Variants in UNG observed in about 807,000 individuals in gnomAD.
The protein encoded by UNG is uracil-DNA glycosylase.
In UNG, 34 loss-of-function variants were observed where a neutral mutation model predicts 36.5. The ratio of observed to expected loss-of-function variants is 0.93; its 90% CI spans 0.71 to 1.24. UNG has a LOEUF of 1.24. UNG is among the 50% of genes most tolerant of loss of function. The pLI is 0.00. For missense variants in UNG, 391 were observed against 397.6 expected (o/e 0.98, Z 0.14); for synonymous variants, 172 against 157.8 (o/e 1.09, Z -0.67).
rs767154683 is a variant in UNG, at chr12:109,097,749, C to T, written c.70C>T (p.Pro24Ser). ...CGCCAGGAAGCGACACGCCCCCAGCCCCGAGCCGGCCGTCCAGGGGACCGG... is the reference window on the plus strand; with the variant it reads ...CGCCAGGAAGCGACACGCCCCCAGCTCCGAGCCGGCCGTCCAGGGGACCGG... ...SPARKRHAPS[P>S]EPAVQGTGVA... Residue 24 changes from proline (P) to serine (S), a missense_variant, in exon 1 of 7, where the codon CCC (proline) becomes TCC (serine). By Grantham distance (74) the Pro-to-Ser change is moderately conservative. Transcript: ENST00000242576. 3.2e-6 allele frequency: 5 copies of T among 1,574,336 alleles called. No homozygotes were observed. The Admixed American group carries it at 7.3e-5, about 23-fold the overall frequency.
chr12:109,107,204 T>C (rs1185304072), intron 6 of UNG, among the ~76,000 whole-genome samples: 1 of 151,840 alleles, frequency 6.6e-6, no homozygotes, highest in Non-Finnish European at 1.5e-5. Flanking sequence ...GTATGACTAT[T>C]GCTTTTTTTC....
intron 6 of UNG, among the ~76,000 whole-genome samples, chr12:109,104,623 A>G (rs938364896): frequency 6.6e-6 from 1 of 152,046 alleles, no homozygotes; most frequent in African/African-American, 2.4e-5. Context: ...AGTCACCATC[A>G]TCTTTCTCCA....
At chr12:109,103,384 G>C (rs1001997549) in intron 5 of UNG, 49 bp from the exon 6 acceptor site, 1 of 1,570,164 alleles carries the variant, frequency 6.4e-7, no homozygotes, top group Non-Finnish European at 8.8e-7. Context: ...CTGGGTATTG[G>C]GCTGATTTGC....
intron 3 of UNG, among the ~76,000 whole-genome samples, chr12:109,099,542 C>T (rs899080530): frequency 3.3e-5 from 5 of 152,128 alleles, no homozygotes; most frequent in African/African-American, 1.2e-4. Context: ...TGAAACTAAC[C>T]TCCCGCGGTG....
At chr12:109,100,964 A>G (rs1482305527) in intron 3 of UNG, among the ~76,000 whole-genome samples, 3 of 151,942 alleles carry the variant, frequency 2.0e-5, no homozygotes, top group Non-Finnish European at 4.4e-5. Context: ...CTCCCGTGAC[A>G]GGAACTTCAT....
In UNG at chr12:109,110,678, G is replaced by A. The variant is rs1264220860; in HGVS notation, c.*709G>A. 6.6e-6 allele frequency: 1 copy of A among 152,442 alleles called. No homozygotes were observed. The highest frequency in any genetic ancestry group is 1.5e-5 in the Non-Finnish European group (1 of 68,300). 9.4% of individuals were successfully genotyped at this position (152,442 alleles called of 1,614,324 possible). A position where few individuals can be genotyped will look rare whatever the true frequency, so the allele number is the denominator to read the frequency against. On this transcript the variant is annotated 3_prime_UTR_variant, in exon 7 of 7. Coordinates refer to ENST00000242576, the MANE Select transcript of UNG (RefSeq NM_080911.3). The stretch of plus-strand genomic sequence containing the variant: ...GGAGAAAAGGGAATTTTGTCTTTAT[G>A]GGGTGGGGTGATTTTCTCCTAGGGT...
At chr12:109,098,756 C>T (rs769563230) in intron 2 of UNG, 118 bp downstream of exon 2, 17 of 1,319,618 alleles carry the variant, frequency 1.3e-5, no homozygotes, top group Non-Finnish European at 1.7e-5. Context: ...CCCCCTTCAA[C>T]CTCCTTTACT....
chr12:109,109,392 A>G (rs2042242326), intron 6 of UNG, among the ~76,000 whole-genome samples: 1 of 152,058 alleles, frequency 6.6e-6, no homozygotes, highest in African/African-American at 2.4e-5. Flanking sequence ...CAAATGCTGA[A>G]TGCTCCACTT....
rs1211782123 is a variant in UNG at position 109,110,975 on chromosome 12, A to T, written c.*1006A>T. On this transcript the variant is annotated 3_prime_UTR_variant, in exon 7 of 7. Transcript: ENST00000242576. ...TTGGCTCTACGCGAGGTTTGTTAAT[A>T]AAAGTTTGTTAAAAGTTTGTTTTGT... 6.6e-6 allele frequency: 1 copy of T among 152,060 alleles called. No individual in the cohort carries two copies. The highest frequency in any genetic ancestry group is 2.4e-5 in the African/African-American group (1 of 41,410). The allele number at this position is 152,060 out of a possible 1,614,324, so 9.4% of individuals were successfully genotyped here.
chr12:109,103,409 A>G, intron 5 of UNG, 24 bp from the exon 6 acceptor site: 2 of 1,613,346 alleles, frequency 1.2e-6, no homozygotes, highest in Non-Finnish European at 1.7e-6. Flanking sequence ...GCCTACATTT[A>G]ACCTGTTTCT....
chr12:109,099,350 A>T, intron 3 of UNG, 66 bp downstream of exon 3: 1 of 1,366,044 alleles, frequency 7.3e-7, no homozygotes, highest in African/African-American at 1.4e-5. Context: ...TAAATTAGGG[A>T]CACTGGAGTT....
chr12:109,106,877 A>ATATACATATATACACATATATATATACG (rs2042218598), intron 6 of UNG, among the ~76,000 whole-genome samples: 1 of 35,126 alleles, frequency 2.8e-5, no homozygotes, highest in Non-Finnish European at 7.9e-5. Flanking sequence ...AAAAAAAAAC[A>ATATACATATATACACATATATATATACG]TATATATATA....
chr12:109,097,712 C>G lies in UNG; in HGVS notation c.33C>G (p.Phe11Leu). Reference protein sequence around the residue: MIGQKTLYSFFSPSPARKRHA... With the variant: MIGQKTLYSFLSPSPARKRHA... ...GCCAGAAGACGCTCTACTCCTTTTTCTCCCCCAGCCCCGCCAGGAAGCGAC... is the reference window on the plus strand; with the variant it reads ...GCCAGAAGACGCTCTACTCCTTTTTGTCCCCCAGCCCCGCCAGGAAGCGAC... Residue 11 changes from phenylalanine (F) to leucine (L), a missense_variant, in exon 1 of 7, where the codon TTC (phenylalanine) becomes TTG (leucine). Coordinates refer to ENST00000242576, the MANE Select transcript of UNG (RefSeq NM_080911.3). The G allele has an allele frequency of 6.3e-7, 1 of 1,596,864 alleles. No homozygotes were observed. Among genetic ancestry groups the G allele is most frequent in the Non-Finnish European group, 8.5e-7 (1 of 1,171,938 alleles).
rs375200239 is a variant in UNG, at chr12:109,103,466, G to A, written c.656G>A (p.Arg219His). ...CTTCTCAACGCTGTCCTCACGGTTC[G>A]TGCCCATCAAGCCAACTCTCATAAG... Reference protein sequence around the residue: ...VLLLNAVLTVRAHQANSHKER... With the variant: ...VLLLNAVLTVHAHQANSHKER... Residue 219 changes from arginine (R) to histidine (H), a missense_variant, in exon 6 of 7, where the codon CGT (arginine) becomes CAT (histidine). Arg to His is a conservative substitution (Grantham distance 29). Transcript: ENST00000242576. 6.8e-6 allele frequency: 11 copies of A among 1,613,948 alleles called. No homozygotes were observed. Among genetic ancestry groups the A allele is most frequent in the African/African-American group, 2.7e-5 (2 of 74,884 alleles).
chr12:109,102,410 G>A (rs1467149120), intron 4 of UNG, among the ~76,000 whole-genome samples: 1 of 152,004 alleles, frequency 6.6e-6, no homozygotes, highest in Non-Finnish European at 1.5e-5. Context: ...CCCGGGAGGC[G>A]GAGGTGGCAG....
rs555912110 is a variant in UNG, at chr12:109,110,121, G to T, written c.*152G>T. ...GCCATGAACCAGGCTGTCCAGGAATGGCAGCTGTATCCAACCACAAACAAC... is the reference window on the plus strand; with the variant it reads ...GCCATGAACCAGGCTGTCCAGGAATTGCAGCTGTATCCAACCACAAACAAC... On this transcript the variant is annotated 3_prime_UTR_variant, in exon 7 of 7. Transcript: ENST00000242576. 5 of 1,027,138 alleles carry T rather than the reference G, an allele frequency of 4.9e-6. No homozygotes were observed. In the African/African-American group the frequency reaches 6.4e-5, roughly 13 times the overall value. The allele number at this position is 1,027,138 out of a possible 1,614,324, so 63.6% of individuals were successfully genotyped here.
rs770692724 is a variant in UNG, at chr12:109,110,080, A to T, written c.*111A>T. ...CTTAAGTACTCTGCATAAGGGGGAA[A>T]AGCTTCCAGAAAGCAGCCATGAACC... On this transcript the variant is annotated 3_prime_UTR_variant, in exon 7 of 7. Transcript: ENST00000242576. 9.6e-5 allele frequency: 142 copies of T among 1,484,256 alleles called. No individual in the cohort carries two copies. Among genetic ancestry groups the T allele is most frequent in the Non-Finnish European group, 1.2e-4 (130 of 1,087,842 alleles). The allele number at this position is 1,484,256 out of a possible 1,614,324, so 91.9% of individuals were successfully genotyped here.
At chr12:109,102,297 G>A (rs1363111117) in intron 4 of UNG, among the ~76,000 whole-genome samples, 2 of 152,074 alleles carry the variant, frequency 1.3e-5, no homozygotes, top group Admixed American at 6.5e-5. Flanking sequence ...CCTTGGGGGC[G>A]TAAAATCACC....
chr12:109,097,906 C>T, intron 1 of UNG, 95 bp downstream of exon 1: 1 of 1,390,404 alleles, frequency 7.2e-7, no homozygotes, highest in Admixed American at 2.8e-5. Context: ...GCCTCTGACT[C>T]GGTAAACCCG....
Sources: allele counts gnomAD v4.1 joint callset (sites outside exome capture counted in the v4.1 genomes callset), GRCh38; gene constraint gnomAD v4.1.1; transcripts MANE v1.5; gene names NCBI Gene and HGNC (gene_info 2026-07-23, HGNC 2026-07-21).